The following IQSEC3 variants were observed in gnomAD, a reference collection of about 807,000 sequenced individuals.
IQSEC3 encodes IQ motif and Sec7 domain ArfGEF 3, also known as IQ motif and SEC7 domain-containing protein 3.
A neutral mutation model predicts 105.4 loss-of-function variants in IQSEC3; 50 were observed. The ratio of observed to expected loss-of-function variants is 0.47; its 90% confidence interval spans 0.38 to 0.60. The LOEUF is 0.60. IQSEC3 is among the 20% of genes least tolerant of loss of function. The probability of loss-of-function intolerance (pLI) is 0.00; values close to 1 mark genes in which losing one functional copy is unlikely to be tolerated. For missense variants in IQSEC3, 1,415 were observed against 1,630.0 expected, an observed-to-expected ratio of 0.87 and a Z score of 2.27; for synonymous variants, 708 against 746.0, an observed-to-expected ratio of 0.95 and a Z score of 0.83.
chr12:145,827 C>T (rs1049080156), intron 5 of IQSEC3, among the ~76,000 whole-genome samples: 6 of 152,220 alleles, frequency 3.9e-5, no homozygotes, highest in Non-Finnish European at 8.8e-5. Context: ...GGATGGGGAA[C>T]GTTCCATGCT....
Position 177,293 on chromosome 12 carries a change from C to G in IQSEC3, c.*2260C>G, listed in dbSNP as rs1465191652. On this transcript the variant is annotated 3_prime_UTR_variant, in exon 14 of 14. Transcript: ENST00000538872. The surrounding 1 kb of genome is among the most constrained non-coding windows in gnomAD (Gnocchi z 5.3). ...TACCAAGGACAGGCAGGACCCCGTCCCCTGCTCACACAGCTCTTCAAACTT... is the reference window on the plus strand; with the variant it reads ...TACCAAGGACAGGCAGGACCCCGTCGCCTGCTCACACAGCTCTTCAAACTT... 1 of 107,444 alleles carries G rather than the reference C, an allele frequency of 9.3e-6. No individual in the cohort carries two copies. Among genetic ancestry groups the G allele is most frequent in the Non-Finnish European group, 2.2e-5 (1 of 45,336 alleles). The allele number at this position is 107,444 out of a possible 1,614,324, so 6.7% of individuals were successfully genotyped here. A position where few individuals can be genotyped will look rare whatever the true frequency, so the allele number is the denominator to read the frequency against.
At position 125,831 on chromosome 12, in the gene IQSEC3, G is replaced by C. The variant is rs1344172828; in HGVS notation, c.822G>C (p.Gln274His). The change falls in exon 3 of 14, where the codon CAG (glutamine) becomes CAC (histidine). Residue 274 changes from glutamine (Q) to histidine (H), a missense_variant. Transcript: ENST00000538872. ...PQHKASPGRQ[Q>H]PALATALCPH... The stretch of plus-strand genomic sequence containing the variant: ...ACAAGGCCTCCCCCGGCCGGCAGCA[G>C]CCTGCCCTGGCGACGGCGCTGTGCC... 6.5e-7 allele frequency: 1 copy of C among 1,531,186 alleles called. No homozygotes were observed. The highest frequency in any genetic ancestry group is 2.5e-5 in the East Asian group (1 of 40,688). 94.8% of individuals were successfully genotyped at this position (1,531,186 alleles called of 1,614,324 possible). A position where few individuals can be genotyped will look rare whatever the true frequency, so the allele number is the denominator to read the frequency against.
rs192135922 is a variant in IQSEC3, at chr12:70,123, G to A, written c.554+2687G>A. On this transcript the variant is annotated intron_variant, in intron 1 of 13. Transcript: ENST00000538872. ...TCTGGCCTCCTTTCAGCAAGAACGC[G>A]ACCCCACTGAGGTGGCTGAAGAGTG... Among the ~76,000 whole-genome samples the A allele has an allele frequency of 5.8e-4, 88 of 152,332 alleles. No homozygotes were observed. In the East Asian group the frequency reaches 0.013, roughly 23 times the overall value.
At chr12:107,495 C>T (rs530728294) in intron 2 of IQSEC3, among the ~76,000 whole-genome samples, 102 of 149,590 alleles carry the variant, frequency 6.8e-4, no homozygotes, top group African/African-American at 2.2e-3. Context: ...CTGCAAGCTC[C>T]GCCTCCCGGG....
intron 5 of IQSEC3, among the ~76,000 whole-genome samples, chr12:145,067 A>C (rs1866205176): frequency 6.6e-6 from 1 of 152,202 alleles, no homozygotes; most frequent in Non-Finnish European, 1.5e-5. Context: ...TCCTGGCCTC[A>C]CACAGTGCTC....
chr12:127,668 C>G (rs12313653), intron 3 of IQSEC3, among the ~76,000 whole-genome samples: 3 of 152,024 alleles, frequency 2.0e-5, no homozygotes, highest in African/African-American at 7.3e-5. Context: ...TCAGGCCCTT[C>G]GCCCACTTTT....
chr12:69,670 C>T (rs1187512506), intron 1 of IQSEC3, among the ~76,000 whole-genome samples: 1 of 152,278 alleles, frequency 6.6e-6, no homozygotes, highest in African/African-American at 2.4e-5. Flanking sequence ...TGCAGCTCTC[C>T]TTCCTTGGAT....
At chr12:87,737 G>T (rs769499679) in intron 1 of IQSEC3, among the ~76,000 whole-genome samples, 3 of 152,190 alleles carry the variant, frequency 2.0e-5, no homozygotes, top group Admixed American at 1.3e-4. Flanking sequence ...GAAGACCAGT[G>T]GGGGAGGAAA....
At chr12:125,570 C>T (rs903369031) in intron 2 of IQSEC3, 63 bp from the exon 3 acceptor site, 43 of 1,420,762 alleles carry the variant, frequency 3.0e-5, no homozygotes, top group South Asian at 2.7e-4. Context: ...TCCCCGACCC[C>T]CACATCCACA....
Position 165,455 on chromosome 12 carries a change from A to G in IQSEC3, c.2731A>G (p.Lys911Glu), listed in dbSNP as rs1867122565. Residue 911 changes from lysine (K) to glutamate (E), a missense_variant, in exon 10 of 14, where the codon AAG (lysine) becomes GAG (glutamate). Physicochemically the swap from Lys to Glu is moderately conservative, Grantham distance 56 (BLOSUM62 1). Coordinates refer to ENST00000538872, the MANE Select transcript of IQSEC3 (RefSeq NM_001170738.2). ...LLVILKLCPKKKSSSTYTFCK... is the reference protein window; with the variant it reads ...LLVILKLCPKEKSSSTYTFCK... ...ACAGATTCTCAAACTTTGCCCGAAG[A>G]AGAAGAGCTCCTCCACGTACACCTT... 1.2e-6 allele frequency: 2 copies of G among 1,614,086 alleles called. No individual in the cohort carries two copies. Among genetic ancestry groups the G allele is most frequent in the Non-Finnish European group, 1.7e-6 (2 of 1,180,006 alleles).
At chr12:172,210 C>G (rs1939040537) in intron 13 of IQSEC3, among the ~76,000 whole-genome samples, 1 of 152,062 alleles carries the variant, frequency 6.6e-6, no homozygotes, top group Non-Finnish European at 1.5e-5. Context: ...TCAGTGTCTT[C>G]TCTCTCCCCC....
intron 2 of IQSEC3, among the ~76,000 whole-genome samples, chr12:110,813 C>G (rs1864857218): frequency 6.6e-6 from 1 of 152,162 alleles, no homozygotes; most frequent in Non-Finnish European, 1.5e-5. Flanking sequence ...GCTAGAGGCA[C>G]ACTCACAAAC....
intron 12 of IQSEC3, among the ~76,000 whole-genome samples, chr12:170,149 G>A (rs782204714): frequency 7.2e-5 from 11 of 152,214 alleles, no homozygotes; most frequent in Non-Finnish European, 1.6e-4. Flanking sequence ...TTTCCTGTAT[G>A]GGTTTGACCT....
At chr12:75,945 C>T (rs555344088) in intron 1 of IQSEC3, among the ~76,000 whole-genome samples, 93 of 152,350 alleles carry the variant, frequency 6.1e-4, no homozygotes, top group African/African-American at 2.2e-3. Context: ...GAGGAGAAGA[C>T]TGCCCCCGGC....
Position 138,862 on chromosome 12 carries a change from C to T in IQSEC3, c.1499C>T (p.Ser500Phe). Residue 500 changes from serine (S) to phenylalanine (F), a missense_variant, in exon 4 of 14, where the codon TCC becomes TTC. Ser to Phe is a radical substitution (Grantham distance 155). This residue lies in a region of IQSEC3 where 720 missense variants were observed against 633.0 expected (regional missense o/e 1.14). Transcript: ENST00000538872. This position sits in a 1 kb window ranked among gnomAD's most constrained non-coding sequence, Gnocchi z 7.1. ...VQIANQNISV[S>F]SSTALSVANC... ...ATCGCCAACCAGAACATATCCGTCT[C>T]CTCCTCCACGGCTCTGTCGGTGGCC... The T allele has an allele frequency of 6.2e-7, 1 of 1,612,340 alleles. No individual in the cohort carries two copies. The highest frequency in any genetic ancestry group is 8.5e-7 in the Non-Finnish European group (1 of 1,179,394).
intron 11 of IQSEC3, among the ~76,000 whole-genome samples, chr12:168,444 G>C (rs1309245934): frequency 1.3e-5 from 2 of 152,180 alleles, no homozygotes; most frequent in African/African-American, 4.8e-5. Context: ...AGAGGTGGGT[G>C]TCACCCCTGT....
rs919977390 is a variant in IQSEC3 at position 175,291 on chromosome 12, C to A, written c.*258C>A. ...TACACAGCCAGACCCGGCGAGGCCT[C>A]CTCTTCCCCTGGCCACCACTTTCCC... On this transcript the variant is annotated 3_prime_UTR_variant, in exon 14 of 14. Transcript: ENST00000538872. 1 of 444,338 alleles carries A rather than the reference C, an allele frequency of 2.3e-6. No individual in the cohort carries two copies. The highest frequency in any genetic ancestry group is 4.0e-6 in the Non-Finnish European group (1 of 252,828). 27.5% of individuals were successfully genotyped at this position (444,338 alleles called of 1,614,324 possible). A position where few individuals can be genotyped will look rare whatever the true frequency, so the allele number is the denominator to read the frequency against.
intron 1 of IQSEC3, among the ~76,000 whole-genome samples, chr12:76,465 C>G: frequency 6.6e-6 from 1 of 152,258 alleles, no homozygotes; most frequent in Non-Finnish European, 1.5e-5. Context: ...ATAGGCTTCA[C>G]AGCAAAGATC....
chr12:132,185 G>A (rs782377701), intron 3 of IQSEC3, among the ~76,000 whole-genome samples: 13 of 152,102 alleles, frequency 8.5e-5, no homozygotes, highest in Non-Finnish European at 1.9e-4. Flanking sequence ...TCTACCTGGA[G>A]GAAAGGGGAG....
Sources: gnomAD v4.1 joint callset for allele counts (sites outside exome capture counted in the v4.1 genomes callset) on GRCh38, gnomAD v4.1.1 for gene constraint, gnomAD v4.1.1 regional missense constraint, Gnocchi (gnomAD v3.1) non-coding constraint, MANE v1.5 for transcripts, NCBI Gene and HGNC (gene_info 2026-07-23, HGNC 2026-07-21) for gene names.